Variants in SLC2A14 observed in about 807,000 individuals in gnomAD.
SLC2A14 encodes solute carrier family 2 member 14, also known as solute carrier family 2, facilitated glucose transporter member 14.
SLC2A14 carries 13 observed loss-of-function variants against 43.0 expected under a neutral mutation model. That is an observed-to-expected ratio of 0.30 (90% CI 0.20 to 0.48). The LOEUF is 0.48. Ranked by LOEUF, SLC2A14 falls within the 20% of genes least tolerant of loss-of-function variation. The pLI, the probability that SLC2A14 is intolerant of heterozygous loss-of-function variation, is 0.99. For synonymous variants in SLC2A14, 190 were observed against 233.8 expected (o/e 0.81, Z 1.71); for missense variants, 428 against 620.4 (o/e 0.69, Z 3.29).
chr12:7,853,903 C>G (rs1867140051), intron 2 of SLC2A14, among the ~76,000 whole-genome samples: 1 of 152,062 alleles, frequency 6.6e-6, no homozygotes, highest in Non-Finnish European at 1.5e-5. Flanking sequence ...TTTCAGGAAC[C>G]CTGAATGGAA....
rs745819575 is a variant in SLC2A14, at chr12:7,817,699, G to C, written c.1275+132C>G. On this transcript the variant is annotated intron_variant, in intron 10 of 10. Transcript: ENST00000431042. ...GAAGAATCGCTTGTCAGTGAGCTGAGATCGGGCAACTGCACACCAGGGCGA... is the reference window on the plus strand; with the variant it reads ...GAAGAATCGCTTGTCAGTGAGCTGACATCGGGCAACTGCACACCAGGGCGA... 38 of 1,105,732 alleles carry C rather than the reference G, an allele frequency of 3.4e-5. 1 individual carries two copies. The South Asian group carries it at 6.4e-4, about 19-fold the overall frequency. The allele number at this position is 1,105,732 out of a possible 1,614,324, so 68.5% of individuals were successfully genotyped here. A position where few individuals can be genotyped will look rare whatever the true frequency, so the allele number is the denominator to read the frequency against.
At chr12:7,844,649 GC>G (rs1264654757) in intron 2 of SLC2A14, among the ~76,000 whole-genome samples, 2 of 151,726 alleles carry the variant, frequency 1.3e-5, no homozygotes, top group East Asian at 3.9e-4. Context: ...CAGTTTTCGT[GC>G]CTCAGCCTCC....
intron 2 of SLC2A14, among the ~76,000 whole-genome samples, chr12:7,853,687 C>T (rs1403235659): frequency 6.6e-6 from 1 of 152,108 alleles, no homozygotes; most frequent in Admixed American, 6.6e-5. Context: ...GACAGTCTTA[C>T]ATTTTGTATA....
chr12:7,887,564 GATAGATAGATAGA>G (rs1565592436), intron 1 of SLC2A14, among the ~76,000 whole-genome samples: 6 of 14,630 alleles, frequency 4.1e-4, no homozygotes, highest in Non-Finnish European at 1.0e-3. Flanking sequence ...AAATCAGATA[GATAGATAGATAGA>G]TAGATAGATA....
At chr12:7,858,400 G>A (rs1944369276) in intron 2 of SLC2A14, among the ~76,000 whole-genome samples, 1 of 152,076 alleles carries the variant, frequency 6.6e-6, no homozygotes, top group Non-Finnish European at 1.5e-5. Flanking sequence ...CTAGATACAA[G>A]CCCCTTATCA....
At chr12:7,883,844 A>G (rs185161468) in intron 1 of SLC2A14, among the ~76,000 whole-genome samples, 1 of 151,664 alleles carries the variant, frequency 6.6e-6, no homozygotes, top group African/African-American at 2.4e-5. Context: ...TGGCCTCCCA[A>G]ACTGCTGGGA....
At chr12:7,872,026 C>CA (rs1252471691) in intron 1 of SLC2A14, 3 of 436,900 alleles carry the variant, frequency 6.9e-6, no homozygotes, top group Admixed American at 6.4e-5. Flanking sequence ...AAAATTAACT[C>CA]AGATTAATTC....
intron 1 of SLC2A14, among the ~76,000 whole-genome samples, chr12:7,870,349 C>T (rs537108477): frequency 1.6e-4 from 24 of 152,218 alleles, no homozygotes; most frequent in African/African-American, 5.5e-4. Context: ...AAATTTAAAA[C>T]ACTTAGAACA....
At chr12:7,872,634 A>G (rs1307290390) in intron 1 of SLC2A14, 173 bp downstream of exon 1, 3 of 446,950 alleles carry the variant, frequency 6.7e-6, no homozygotes, top group Non-Finnish European at 8.9e-6. Context: ...GTAAATCACA[A>G]ATCTCTTCTC....
At chr12:7,846,259 A>G (rs1866458213) in intron 2 of SLC2A14, among the ~76,000 whole-genome samples, 1 of 152,114 alleles carries the variant, frequency 6.6e-6, no homozygotes. Context: ...AAAGGAAGCT[A>G]AAGTTTGAGG....
At chr12:7,865,778 A>C (rs1051931733) in intron 2 of SLC2A14, among the ~76,000 whole-genome samples, 11 of 152,148 alleles carry the variant, frequency 7.2e-5, no homozygotes, top group African/African-American at 2.7e-4. Context: ...AAAGCTAGAA[A>C]TGATTAAGAT....
At chr12:7,869,497 CTA>C (rs1238023607) in intron 2 of SLC2A14, among the ~76,000 whole-genome samples, 3 of 152,128 alleles carry the variant, frequency 2.0e-5, no homozygotes, top group Non-Finnish European at 2.9e-5. Context: ...ATATATTACT[CTA>C]TGTTACTCTT....
upstream of SLC2A14, among the ~76,000 whole-genome samples, chr12:7,877,249 C>T (rs1290404137): frequency 6.6e-6 from 1 of 151,974 alleles, no homozygotes; most frequent in Non-Finnish European, 1.5e-5. Context: ...CCACCCGCCT[C>T]GGCCTCCCAA....
At chr12:7,815,569 AGTTTTGTTTT>A (rs1246889770) in intron 10 of SLC2A14, among the ~76,000 whole-genome samples, 1 of 151,926 alleles carries the variant, frequency 6.6e-6, no homozygotes, top group African/African-American at 2.4e-5. Context: ...CCAGTTATCC[AGTTTTGTTTT>A]GTTTTGTTTT....
intron 10 of SLC2A14, among the ~76,000 whole-genome samples, chr12:7,815,906 G>GTTT (rs1434854742): frequency 1.4e-5 from 2 of 144,574 alleles, no homozygotes; most frequent in African/African-American, 5.1e-5. Context: ...TTTTGTTTTT[G>GTTT]TTTTTGTTTT....
upstream of SLC2A14, among the ~76,000 whole-genome samples, chr12:7,878,139 C>T (rs1263471238): frequency 6.6e-6 from 1 of 152,116 alleles, no homozygotes; most frequent in African/African-American, 2.4e-5. Context: ...CAACCTCTGC[C>T]TCCTGGGTTC....
upstream of SLC2A14, among the ~76,000 whole-genome samples, chr12:7,878,399 C>T (rs1421191872): frequency 6.6e-6 from 1 of 151,936 alleles, no homozygotes; most frequent in African/African-American, 2.4e-5. Flanking sequence ...GCTGGGACTA[C>T]AGGCACCCAT....
At chr12:7,860,386 C>T (rs1187156442) in intron 2 of SLC2A14, 1 of 152,166 alleles carries the variant, frequency 6.6e-6, no homozygotes, top group African/African-American at 2.4e-5. Context: ...ACAGCCATGT[C>T]CTCCTGGCCA....
intron 1 of SLC2A14, among the ~76,000 whole-genome samples, chr12:7,880,789 A>G (rs149168849): frequency 4.9e-4 from 74 of 150,394 alleles, no homozygotes; most frequent in African/African-American, 1.8e-3. Flanking sequence ...GGTGGATCAC[A>G]AGGTCAGGAG....
Sources: gnomAD v4.1 joint callset for allele counts (sites outside exome capture counted in the v4.1 genomes callset) on GRCh38, gnomAD v4.1.1 for gene constraint, MANE v1.5 for transcripts, NCBI Gene and HGNC (gene_info 2026-07-23, HGNC 2026-07-21) for gene names.